The following DIAPH2 variants were observed in gnomAD, a reference collection of about 807,000 sequenced individuals.
DIAPH2 encodes the protein diaphanous related formin 2.
In DIAPH2, 35 loss-of-function variants were observed where a neutral mutation model predicts 92.7. The observed-to-expected ratio is 0.38, with a 90% CI of 0.29 to 0.50. The LOEUF (loss-of-function observed/expected upper bound fraction) is 0.50, where lower values mean the gene tolerates loss of function less well. DIAPH2 is among the 20% of genes least tolerant of loss of function. The probability of loss-of-function intolerance (pLI) is 0.94; values close to 1 mark genes in which losing one functional copy is unlikely to be tolerated. For missense variants in DIAPH2, 701 were observed against 819.5 expected (o/e 0.86, Z 1.77); for synonymous variants, 301 against 280.4 (o/e 1.07, Z -0.73).
At chrX:97,276,159 C>G (rs928458868) in intron 23 of DIAPH2, among the ~76,000 whole-genome samples, 11 of 107,886 alleles carry the variant, frequency 1.0e-4, no homozygotes, top group African/African-American at 3.3e-4. Context: ...TGCCTGCAGT[C>G]GCAGGCACTC....
chrX:97,232,177 G>T lies in DIAPH2; in HGVS notation c.2720-15538G>T, dbSNP rs141749100. Among the ~76,000 whole-genome samples the T allele has an allele frequency of 5.5e-3, 602 of 110,286 alleles. 5 individuals carry two copies. Among genetic ancestry groups the T allele is most frequent in the African/African-American group, 0.019 (578 of 30,294 alleles). ...CCACAACCATCCTCACATAGCCCTT[G>T]CCTCTGGCGCCTGTTTTTCTGTTGC... On this transcript the variant is annotated intron_variant, in intron 22 of 26. Coordinates refer to ENST00000324765, the MANE Select transcript of DIAPH2 (RefSeq NM_006729.5).
intron 26 of DIAPH2, among the ~76,000 whole-genome samples, chrX:97,468,153 G>A (rs1176057053): frequency 1.8e-5 from 2 of 111,626 alleles, no homozygotes; most frequent in East Asian, 2.8e-4. Flanking sequence ...CCATCATATC[G>A]TCCATACAAG....
At chrX:97,087,149 G>A (rs1253529617) in intron 19 of DIAPH2, among the ~76,000 whole-genome samples, 1 of 111,456 alleles carries the variant, frequency 9.0e-6, no homozygotes, top group Non-Finnish European at 1.9e-5. Flanking sequence ...TGCAGTATAA[G>A]GGGCATTGGA....
intron 1 of DIAPH2, among the ~76,000 whole-genome samples, chrX:96,718,818 A>T (rs1160391175): frequency 1.8e-5 from 2 of 111,710 alleles, no homozygotes; most frequent in South Asian, 3.8e-4. Flanking sequence ...TTGCTGGATC[A>T]TATGGTACTT....
At chrX:97,406,103 G>T (rs745848275) in intron 25 of DIAPH2, among the ~76,000 whole-genome samples, 2 of 111,855 alleles carry the variant, frequency 1.8e-5, no homozygotes, top group South Asian at 3.7e-4. Context: ...CAGTATAGTT[G>T]GTTAATTTAT....
chrX:96,887,965 GTGTA>G (rs2065274913), intron 5 of DIAPH2, among the ~76,000 whole-genome samples: 1 of 110,158 alleles, frequency 9.1e-6, no homozygotes, highest in Non-Finnish European at 1.9e-5. Flanking sequence ...TTGTGCGTGT[GTGTA>G]TGTGTGTGTG....
intron 17 of DIAPH2, among the ~76,000 whole-genome samples, chrX:97,050,266 C>G (rs1230603736): frequency 9.1e-6 from 1 of 109,884 alleles, no homozygotes; most frequent in Non-Finnish European, 1.9e-5. Flanking sequence ...TGATCAAATC[C>G]TTGCTTTGTG....
At chrX:97,303,744 CT>C (rs771761689) in intron 23 of DIAPH2, among the ~76,000 whole-genome samples, 74 of 111,923 alleles carry the variant, frequency 6.6e-4, no homozygotes, top group African/African-American at 2.1e-3. Context: ...CTTCTCATGA[CT>C]TTTAATATGC....
At chrX:97,223,068 A>G (rs891350128) in intron 22 of DIAPH2, among the ~76,000 whole-genome samples, 1 of 111,268 alleles carries the variant, frequency 9.0e-6, no homozygotes, top group African/African-American at 3.3e-5. Flanking sequence ...GGCTCAAGCA[A>G]TCCTCCCAAC....
chrX:97,352,730 C>G (rs1977371), intron 24 of DIAPH2, among the ~76,000 whole-genome samples: 1 of 105,296 alleles, frequency 9.5e-6, no homozygotes, highest in Non-Finnish European at 2.0e-5. Flanking sequence ...ATTAGCCGGG[C>G]ATGGTGGCAG....
intron 17 of DIAPH2, among the ~76,000 whole-genome samples, chrX:97,062,585 G>A (rs1343383209): frequency 1.8e-5 from 2 of 111,641 alleles, no homozygotes; most frequent in Admixed American, 9.5e-5. Context: ...AGATTGAGGA[G>A]GAAGAGGGTA....
At chrX:96,742,109 CA>C (rs1488306100) in intron 3 of DIAPH2, among the ~76,000 whole-genome samples, 1 of 111,996 alleles carries the variant, frequency 8.9e-6, no homozygotes, top group Non-Finnish European at 1.9e-5. Context: ...CCTGCTCCTA[CA>C]AAAGTCTTCC....
At chrX:97,542,329 G>A (rs1436225474) in intron 26 of DIAPH2, among the ~76,000 whole-genome samples, 1 of 111,934 alleles carries the variant, frequency 8.9e-6, no homozygotes, top group Non-Finnish European at 1.9e-5. Context: ...CCTAGTGGAG[G>A]CTTATAGGAG....
intron 22 of DIAPH2, among the ~76,000 whole-genome samples, chrX:97,145,282 C>CAGTAGTAGTAGT (rs3044923): frequency 0.22 from 20,241 of 91,920 alleles, 1,964 homozygotes; most frequent in African/African-American, 0.28. Context: ...GAACTACTAC[C>CAGTAGTAGTAGT]AGTAGTAGTA....
intron 26 of DIAPH2, among the ~76,000 whole-genome samples, chrX:97,572,938 C>T (rs2071378575): frequency 8.9e-6 from 1 of 111,914 alleles, no homozygotes; most frequent in Admixed American, 9.5e-5. Flanking sequence ...TATCTGTGTG[C>T]CCAGCATGGA....
intron 3 of DIAPH2, among the ~76,000 whole-genome samples, chrX:96,750,051 GTTTTTTTTTTTT>G (rs753887199): frequency 1.4e-5 from 1 of 71,044 alleles, no homozygotes; most frequent in Non-Finnish European, 2.5e-5. Context: ...TATATTTCAA[GTTTTTTTTTTTT>G]TTTTTTTTTT....
intron 17 of DIAPH2, among the ~76,000 whole-genome samples, chrX:97,027,433 A>G (rs1206375915): frequency 1.8e-5 from 2 of 112,431 alleles, no homozygotes; most frequent in Non-Finnish European, 3.7e-5. Context: ...TTTGCAATAA[A>G]GACCTTATAC....
intron 23 of DIAPH2, among the ~76,000 whole-genome samples, chrX:97,269,486 T>A (rs1310470748): frequency 8.9e-6 from 1 of 112,308 alleles, no homozygotes; most frequent in Non-Finnish European, 1.9e-5. Flanking sequence ...ATTTACAATT[T>A]GCCAGACAAT....
At chrX:96,837,359 CTCTG>C (rs753544428) in intron 4 of DIAPH2, among the ~76,000 whole-genome samples, 128 of 108,499 alleles carry the variant, frequency 1.2e-3, no homozygotes, top group African/African-American at 4.2e-3. Flanking sequence ...CTCTCTCTTT[CTCTG>C]TCTCTCTGTC....
Sources: allele counts gnomAD v4.1 joint callset (sites outside exome capture counted in the v4.1 genomes callset), GRCh38; gene constraint gnomAD v4.1.1; transcripts MANE v1.5; gene names NCBI Gene and HGNC (gene_info 2026-07-23, HGNC 2026-07-21).